Variants in FRAS1 observed in about 807,000 individuals in gnomAD.
FRAS1 encodes extracellular matrix organizing protein FRAS1.
In FRAS1, 290 loss-of-function variants were observed where a neutral mutation model predicts 435.2. The ratio of observed to expected loss-of-function variants is 0.67; its 90% CI spans 0.61 to 0.73. The LOEUF is 0.73. Among genes scored for constraint, FRAS1 ranks in the 30% least tolerant of loss-of-function variants. The probability of loss-of-function intolerance (pLI) is 0.00; values close to 1 mark genes in which losing one functional copy is unlikely to be tolerated. For missense variants in FRAS1, 4,860 were observed against 5,001.5 expected (o/e 0.97, Z 0.85); for synonymous variants, 1,800 against 1,851.0 (o/e 0.97, Z 0.71).
Position 78,519,467 on chromosome 4 carries a change from T to C in FRAS1, c.10526T>C (p.Val3509Ala). 6.2e-7 allele frequency: 1 copy of C among 1,610,256 alleles called. No homozygotes were observed. Among genetic ancestry groups the C allele is most frequent in the East Asian group, 2.2e-5 (1 of 44,656 alleles). ...EMEFSFFYDT[V>A]LWRTGIQTDS... ...GAGTTTTCTTTCTTCTATGACACTG[T>C]TCTCTGGAGAACAGGTATGCCCACT... is the stretch of plus-strand genomic sequence containing the variant. Residue 3509 changes from valine (V) to alanine (A), a missense_variant, in exon 67 of 74, where the codon GTT becomes GCT. Transcript: ENST00000512123.
intron 7 of FRAS1, among the ~76,000 whole-genome samples, chr4:78,266,201 C>A (rs948412173): frequency 4.1e-5 from 6 of 144,768 alleles, no homozygotes; most frequent in Non-Finnish European, 7.4e-5. Context: ...GATCTAAGCT[C>A]TTTTGATCTT....
chr4:78,058,013 G>A lies in FRAS1; in HGVS notation c.4G>A (p.Gly2Ser). Residue 2 changes from glycine (G) to serine (S), a missense_variant, in exon 1 of 74, where the codon GGT (glycine) becomes AGT (serine). Coordinates refer to ENST00000512123, the MANE Select transcript of FRAS1 (RefSeq NM_025074.7). ...CATCGTGGGTGCCGAGGCGGCGATG[G>A]GTGTCCTCAAAGTGTGGCTCGGGCT... M[G>S]VLKVWLGLAL... is the part of the protein sequence containing the mutation. The A allele has an allele frequency of 6.2e-7, 1 of 1,613,906 alleles. No individual in the cohort carries two copies. The highest frequency in any genetic ancestry group is 8.5e-7 in the Non-Finnish European group (1 of 1,179,830).
chr4:78,145,838 C>T (rs1720397323), intron 2 of FRAS1, among the ~76,000 whole-genome samples: 2 of 152,082 alleles, frequency 1.3e-5, no homozygotes, highest in South Asian at 4.1e-4. Flanking sequence ...GGCGGTTTCC[C>T]CCATTCTGTT....
At chr4:78,232,138 A>G (rs1724542027) in intron 2 of FRAS1, among the ~76,000 whole-genome samples, 1 of 152,230 alleles carries the variant, frequency 6.6e-6, no homozygotes, top group East Asian at 1.9e-4. Flanking sequence ...CTGCTTTCAT[A>G]AAGCAACTTT....
chr4:78,262,752 T>A (rs1007958904), intron 6 of FRAS1, among the ~76,000 whole-genome samples: 7 of 152,214 alleles, frequency 4.6e-5, no homozygotes, highest in African/African-American at 1.7e-4. Flanking sequence ...ACATCTTTAG[T>A]GATAGTCCTA....
In FRAS1 at chr4:78,464,118, C is replaced by T. The variant is rs1719451141; in HGVS notation, c.6861C>T (p.Ser2287=). Residue 2287 remains serine, a synonymous_variant, in exon 48 of 74, where the codon AGC becomes AGT. Transcript: ENST00000512123. ...SEAEKHSDAF[S]FTLSDGVSEV... is the part of the protein sequence containing the mutation. Reference sequence around the variant, plus strand: ...CTGAGAAACATTCAGATGCCTTCAGCTTTACACTGTCTGATGGAGTCAGTG... The same window carrying T: ...CTGAGAAACATTCAGATGCCTTCAGTTTTACACTGTCTGATGGAGTCAGTG... The T allele has an allele frequency of 1.2e-6, 2 of 1,613,298 alleles. No homozygotes were observed. The highest frequency in any genetic ancestry group is 1.7e-6 in the Non-Finnish European group (2 of 1,179,758).
At chr4:78,386,845 A>G (rs1250069450) in intron 28 of FRAS1, among the ~76,000 whole-genome samples, 2 of 152,216 alleles carry the variant, frequency 1.3e-5, no homozygotes, top group Non-Finnish European at 2.9e-5. Context: ...TTACTCACCT[A>G]GACCATAATC....
intron 2 of FRAS1, among the ~76,000 whole-genome samples, chr4:78,117,731 TA>T (rs1229565271): frequency 6.6e-6 from 1 of 152,274 alleles, no homozygotes; most frequent in African/African-American, 2.4e-5. Context: ...GCCATTCATC[TA>T]ATTTTTTTTT....
intron 14 of FRAS1, among the ~76,000 whole-genome samples, chr4:78,305,551 T>C (rs945109470): frequency 3.0e-5 from 4 of 131,906 alleles, no homozygotes; most frequent in African/African-American, 1.1e-4. Flanking sequence ...TGCTGCTGTA[T>C]TGGGTGCATA....
At chr4:78,343,432 TCCCTCC>T (rs1560669556) in intron 20 of FRAS1, among the ~76,000 whole-genome samples, 2 of 54,690 alleles carry the variant, frequency 3.7e-5, no homozygotes, top group African/African-American at 2.1e-4. Flanking sequence ...CCTCCCTCCC[TCCCTCC>T]CTCTCTCTCT....
intron 2 of FRAS1, among the ~76,000 whole-genome samples, chr4:78,145,685 T>G (rs977617351): frequency 6.6e-6 from 1 of 152,180 alleles, no homozygotes; most frequent in Non-Finnish European, 1.5e-5. Flanking sequence ...TTGAAAAAAC[T>G]ATATAAGAAC....
intron 2 of FRAS1, among the ~76,000 whole-genome samples, chr4:78,117,909 AT>A (rs1718743130): frequency 6.6e-6 from 1 of 152,032 alleles, no homozygotes; most frequent in African/African-American, 2.4e-5. Flanking sequence ...AGGTTGTCTG[AT>A]TTTTAGAGTT....
At chr4:78,375,642 T>C in intron 25 of FRAS1, 97 bp from the exon 26 acceptor site, 1 of 1,034,080 alleles carries the variant, frequency 9.7e-7, no homozygotes, top group South Asian at 1.9e-5. Context: ...GGCTCATTTG[T>C]TGCATGTGCT....
chr4:78,528,230 C>A (rs570289447), intron 70 of FRAS1, among the ~76,000 whole-genome samples: 1 of 152,044 alleles, frequency 6.6e-6, no homozygotes, highest in African/African-American at 2.4e-5. Context: ...GCAGATCAGG[C>A]GGTGTGGAAC....
intron 15 of FRAS1, among the ~76,000 whole-genome samples, chr4:78,313,512 T>C (rs1180322933): frequency 6.6e-6 from 1 of 152,182 alleles, no homozygotes. Context: ...GAAGGTTTGC[T>C]TTTTTTATTT....
chr4:78,483,800 A>ATATATATATATATC (rs1720089580), intron 58 of FRAS1, among the ~76,000 whole-genome samples: 1 of 115,872 alleles, frequency 8.6e-6, no homozygotes, highest in Non-Finnish European at 1.9e-5. Flanking sequence ...ATATATATAA[A>ATATATATATATATC]ATTATGTATG....
At chr4:78,423,602 T>G (rs1173473659) in intron 34 of FRAS1, among the ~76,000 whole-genome samples, 2 of 152,218 alleles carry the variant, frequency 1.3e-5, no homozygotes, top group African/African-American at 4.8e-5. Flanking sequence ...ATTTTAGACT[T>G]TTTTGATTAT....
At chr4:78,246,476 G>A (rs549642434) in intron 4 of FRAS1, among the ~76,000 whole-genome samples, 13 of 113,614 alleles carry the variant, frequency 1.1e-4, no homozygotes, top group Non-Finnish European at 2.2e-4. Flanking sequence ...CATCCAAGCA[G>A]GATCTACACT....
At chr4:78,420,590 A>AG (rs1454892987) in intron 33 of FRAS1, among the ~76,000 whole-genome samples, 1 of 106,936 alleles carries the variant, frequency 9.4e-6, no homozygotes, top group Non-Finnish European at 2.5e-5. Flanking sequence ...TTCTTAGAAT[A>AG]ATCAAGACCC....
Sources: gnomAD v4.1 joint callset for allele counts (sites outside exome capture counted in the v4.1 genomes callset) on GRCh38, gnomAD v4.1.1 for gene constraint, MANE v1.5 for transcripts, NCBI Gene and HGNC (gene_info 2026-07-23, HGNC 2026-07-21) for gene names.